The following UBE2E1 variants were observed in gnomAD, a reference collection of about 807,000 sequenced individuals.
UBE2E1 encodes the protein ubiquitin-conjugating enzyme E2 E1.
In UBE2E1, 6 loss-of-function variants were observed where a neutral mutation model predicts 21.4. The ratio of observed to expected loss-of-function variants is 0.28; its 90% CI spans 0.15 to 0.55. The LOEUF (loss-of-function observed/expected upper bound fraction) is 0.55, where lower values mean the gene tolerates loss of function less well. UBE2E1 is among the 20% of genes least tolerant of loss of function. The pLI, the probability that UBE2E1 is intolerant of heterozygous loss-of-function variation, is 0.93. For synonymous variants in UBE2E1, 87 were observed against 82.7 expected, an observed-to-expected ratio of 1.05 and a Z score of -0.28; for missense variants, 142 against 236.5, an observed-to-expected ratio of 0.60 and a Z score of 2.62.
chr3:23,850,527 A>T (rs868468334), intron 3 of UBE2E1, among the ~76,000 whole-genome samples: 1,620 of 149,128 alleles, frequency 0.011, 24 homozygotes, highest in African/African-American at 0.035. Context: ...TATTATTATT[A>T]TTTTTTTTTG....
rs552713289 is a variant in UBE2E1, at chr3:23,821,475, A to C, written c.203+9965A>C. ...AATAATGCTTTAAAAGTCTTTTCCC[A>C]CCCTCCCTGCTGCATGGAAAATAGC... On this transcript the variant is annotated intron_variant, in intron 3 of 5. Coordinates refer to ENST00000306627, the MANE Select transcript of UBE2E1 (RefSeq NM_003341.5). 6.1e-4 allele frequency among the ~76,000 whole-genome samples: 93 copies of C among 152,194 alleles called. 1 individual carries two copies. The highest frequency in any genetic ancestry group is 2.2e-3 in the African/African-American group (90 of 41,506).
intron 4 of UBE2E1, chr3:23,888,093 G>A: frequency 5.0e-6 from 2 of 396,702 alleles, no homozygotes; most frequent in Non-Finnish European, 9.9e-6. Flanking sequence ...AAGAGTTTGA[G>A]TCCAGTCTGG....
At chr3:23,880,796 T>G (rs1448125264) in intron 3 of UBE2E1, among the ~76,000 whole-genome samples, 3 of 152,194 alleles carry the variant, frequency 2.0e-5, no homozygotes, top group African/African-American at 7.2e-5. Flanking sequence ...TGGAAGATTT[T>G]AAGTCAGTCC....
intron 3 of UBE2E1, among the ~76,000 whole-genome samples, chr3:23,871,579 G>C (rs1700790871): frequency 6.6e-6 from 1 of 151,844 alleles, no homozygotes; most frequent in Non-Finnish European, 1.5e-5. Context: ...TCCCAGACGG[G>C]GTGGCTGCCG....
At chr3:23,817,421 C>CAAAAAAAA (rs369690021) in intron 3 of UBE2E1, among the ~76,000 whole-genome samples, 1 of 42,336 alleles carries the variant, frequency 2.4e-5, no homozygotes, top group Non-Finnish European at 5.0e-5. Flanking sequence ...GACTCTGTCT[C>CAAAAAAAA]AAAAAAAAAA....
intron 3 of UBE2E1, among the ~76,000 whole-genome samples, chr3:23,813,256 C>T (rs113337091): frequency 7.9e-4 from 121 of 152,218 alleles, no homozygotes; most frequent in Admixed American, 1.5e-3. Context: ...AGAGAAAATA[C>T]GAGGCATCTT....
intron 3 of UBE2E1, among the ~76,000 whole-genome samples, chr3:23,814,433 T>A (rs894167474): frequency 1.3e-5 from 2 of 152,222 alleles, no homozygotes; most frequent in African/African-American, 4.8e-5. Flanking sequence ...ATTTTCAAAC[T>A]GCTTTATGTT....
At chr3:23,840,004 G>A (rs1444464369) in intron 3 of UBE2E1, among the ~76,000 whole-genome samples, 1 of 151,966 alleles carries the variant, frequency 6.6e-6, no homozygotes, top group East Asian at 1.9e-4. Context: ...AAGAAAGTTT[G>A]TTTTCTGTGT....
At position 23,810,320 on chromosome 3, in the gene UBE2E1, GGT is replaced by G. The variant is rs1699356790; in HGVS notation, c.153-1139_153-1138del. On this transcript the variant is annotated intron_variant, in intron 2 of 5. Transcript: ENST00000306627. The surrounding 1 kb of genome is among the most constrained non-coding windows in gnomAD (Gnocchi z 5.8). ...TATTAATTGATGCTCTAAGTGCCTA[GGT>G]AAGCAAAAGACAAAGGCCAGGGCTT... 4 of 965,922 alleles carry G rather than the reference GGT, an allele frequency of 4.1e-6. No individual in the cohort carries two copies. In the South Asian group the frequency reaches 5.7e-5, roughly 14 times the overall value. The allele number at this position is 965,922 out of a possible 1,614,324, so 59.8% of individuals were successfully genotyped here.
chr3:23,885,458 A>T (rs558785254), intron 3 of UBE2E1, among the ~76,000 whole-genome samples: 2 of 152,330 alleles, frequency 1.3e-5, no homozygotes, highest in Non-Finnish European at 2.9e-5. Context: ...GGGCTGATTA[A>T]GAGCTCTCCC....
At position 23,848,539 on chromosome 3, in the gene UBE2E1, G is replaced by A. The variant is rs115305796; in HGVS notation, c.203+37029G>A. Among the ~76,000 whole-genome samples the A allele has an allele frequency of 1.6e-3, 246 of 151,728 alleles. 1 individual carries two copies. Among genetic ancestry groups the A allele is most frequent in the African/African-American group, 5.6e-3 (232 of 41,376 alleles). ...CTTAGTAAATGTTAGTTTCCATCACGTTCTCTTACCCAAATATGTCCTTAT... is the reference window on the plus strand; with the variant it reads ...CTTAGTAAATGTTAGTTTCCATCACATTCTCTTACCCAAATATGTCCTTAT... On this transcript the variant is annotated intron_variant, in intron 3 of 5. Coordinates refer to ENST00000306627, the MANE Select transcript of UBE2E1 (RefSeq NM_003341.5).
intron 3 of UBE2E1, among the ~76,000 whole-genome samples, chr3:23,849,451 T>G (rs1210938639): frequency 6.6e-6 from 1 of 152,184 alleles, no homozygotes; most frequent in African/African-American, 2.4e-5. Flanking sequence ...CAACCTGTCA[T>G]CTAGGTTTTA....
chr3:23,878,327 A>G (rs1700962012), intron 3 of UBE2E1, among the ~76,000 whole-genome samples: 1 of 151,880 alleles, frequency 6.6e-6, no homozygotes, highest in African/African-American at 2.4e-5. Context: ...GAGAAAACCT[A>G]CTCCCCACAG....
At chr3:23,825,881 A>C (rs185618640) in intron 3 of UBE2E1, among the ~76,000 whole-genome samples, 163 of 152,308 alleles carry the variant, frequency 1.1e-3, no homozygotes, top group African/African-American at 3.8e-3. Flanking sequence ...TTTCCTACTC[A>C]TGAAAAGAGA....
intron 3 of UBE2E1, among the ~76,000 whole-genome samples, chr3:23,839,353 A>G (rs1342945889): frequency 1.3e-5 from 2 of 151,964 alleles, no homozygotes; most frequent in Non-Finnish European, 2.9e-5. Context: ...AGTCTCAGCT[A>G]CTTGGGAGGC....
In UBE2E1 at chr3:23,891,629, C is replaced by G. The variant is rs1355632341; in HGVS notation, c.*1023C>G. 1.3e-5 allele frequency: 2 copies of G among 152,276 alleles called. No homozygotes were observed. Among genetic ancestry groups the G allele is most frequent in the South Asian group, 2.1e-4 (1 of 4,822 alleles). The allele number at this position is 152,276 out of a possible 1,614,324, so 9.4% of individuals were successfully genotyped here. A position where few individuals can be genotyped will look rare whatever the true frequency, so the allele number is the denominator to read the frequency against. Reference sequence around the variant, plus strand: ...CCGTCATGGATAAATTGGTACCCTGCCTTAGGGGGCATTTTGGCAGTACAT... The same window carrying G: ...CCGTCATGGATAAATTGGTACCCTGGCTTAGGGGGCATTTTGGCAGTACAT... On this transcript the variant is annotated 3_prime_UTR_variant, in exon 6 of 6. Coordinates refer to ENST00000306627, the MANE Select transcript of UBE2E1 (RefSeq NM_003341.5).
chr3:23,864,550 T>C (rs1393089398), intron 3 of UBE2E1, among the ~76,000 whole-genome samples: 1 of 152,232 alleles, frequency 6.6e-6, no homozygotes, highest in Non-Finnish European at 1.5e-5. Context: ...TGCTTTTGTT[T>C]TTAATTTTCA....
At chr3:23,885,404 A>C (rs1247549473) in intron 3 of UBE2E1, among the ~76,000 whole-genome samples, 1 of 152,204 alleles carries the variant, frequency 6.6e-6, no homozygotes, top group Non-Finnish European at 1.5e-5. Context: ...AATAATGGTA[A>C]TATCATTTCA....
intron 3 of UBE2E1, among the ~76,000 whole-genome samples, chr3:23,873,639 G>T (rs1167545749): frequency 6.6e-6 from 1 of 152,020 alleles, no homozygotes; most frequent in African/African-American, 2.4e-5. Context: ...CCAGCTACTC[G>T]GGAGGCTGAG....
Sources: allele counts gnomAD v4.1 joint callset (sites outside exome capture counted in the v4.1 genomes callset), GRCh38; gene constraint gnomAD v4.1.1; non-coding constraint Gnocchi (gnomAD v3.1); transcripts MANE v1.5; gene names NCBI Gene and HGNC (gene_info 2026-07-23, HGNC 2026-07-21).